ATAD1: variants seen among roughly 807,000 people sequenced by gnomAD.
ATAD1 encodes the protein ATPase family AAA domain containing 1.
ATAD1 carries 18 observed loss-of-function variants against 42.7 expected under a neutral mutation model. That is an observed-to-expected ratio of 0.42 (90% CI 0.29 to 0.63). The LOEUF is 0.63. Among genes scored for constraint, ATAD1 ranks in the 20% least tolerant of loss-of-function variants. The pLI is 0.19. For synonymous variants in ATAD1, 132 were observed against 143.1 expected, an observed-to-expected ratio of 0.92 and a Z score of 0.55; for missense variants, 294 against 440.4, an observed-to-expected ratio of 0.67 and a Z score of 2.98.
At chr10:87,766,314 AT>A (rs912857547) in intron 8 of ATAD1, among the ~76,000 whole-genome samples, 5 of 152,200 alleles carry the variant, frequency 3.3e-5, no homozygotes, top group African/African-American at 1.2e-4. Flanking sequence ...TAAATGTAGA[AT>A]TTTTATAATA....
At chr10:87,826,610 C>T (rs923509521) in intron 1 of ATAD1, among the ~76,000 whole-genome samples, 1 of 152,164 alleles carries the variant, frequency 6.6e-6, no homozygotes. Flanking sequence ...CTGGCTGGAC[C>T]GTGTGCCACC....
chr10:87,778,317 G>A (rs922311525), intron 5 of ATAD1, among the ~76,000 whole-genome samples: 3 of 151,280 alleles, frequency 2.0e-5, no homozygotes, highest in African/African-American at 7.3e-5. Context: ...TTGCTTAGAA[G>A]AAACATACTA....
intron 3 of ATAD1, among the ~76,000 whole-genome samples, chr10:87,791,682 C>T (rs1856125687): frequency 6.6e-6 from 1 of 152,230 alleles, no homozygotes; most frequent in African/African-American, 2.4e-5. Context: ...CTACTTCATT[C>T]TACTTATTTA....
intron 2 of ATAD1, among the ~76,000 whole-genome samples, chr10:87,795,591 A>T (rs796606299): frequency 3.3e-5 from 5 of 151,644 alleles, no homozygotes; most frequent in African/African-American, 1.2e-4. Flanking sequence ...GTATACCCAT[A>T]TTTTTTTGAC....
intron 8 of ATAD1, among the ~76,000 whole-genome samples, chr10:87,765,492 G>C: frequency 1.1e-5 from 1 of 91,698 alleles, no homozygotes; most frequent in African/African-American, 4.4e-5. Flanking sequence ...AGGGGGGGTG[G>C]GTGGGGGGGA....
intron 2 of ATAD1, among the ~76,000 whole-genome samples, chr10:87,811,906 C>T (rs1055296140): frequency 1.3e-5 from 2 of 152,198 alleles, no homozygotes; most frequent in Non-Finnish European, 2.9e-5. Flanking sequence ...TTTGCCCTAC[C>T]TACCAGTTTC....
intron 1 of ATAD1, among the ~76,000 whole-genome samples, chr10:87,826,127 G>A (rs1338075766): frequency 6.6e-6 from 1 of 150,754 alleles, no homozygotes; most frequent in Non-Finnish European, 1.5e-5. Flanking sequence ...CCCTTTTATT[G>A]TCATTGTTTC....
Position 87,754,544 on chromosome 10 carries a change from T to C in ATAD1, c.*143A>G, listed in dbSNP as rs1223679588. The stretch of plus-strand genomic sequence containing the variant: ...ATACCACCTATGTAACAACTATATC[T>C]CAATAACTTAGAATTCAGAGTATAA... On this transcript the variant is annotated 3_prime_UTR_variant, in exon 10 of 10. Transcript: ENST00000680024. 2 of 997,040 alleles carry C rather than the reference T, an allele frequency of 2.0e-6. No individual in the cohort carries two copies. Among genetic ancestry groups the C allele is most frequent in the Non-Finnish European group, 2.8e-6 (2 of 720,178 alleles). The allele number at this position is 997,040 out of a possible 1,614,324, so 61.8% of individuals were successfully genotyped here. A position where few individuals can be genotyped will look rare whatever the true frequency, so the allele number is the denominator to read the frequency against.
intron 8 of ATAD1, among the ~76,000 whole-genome samples, chr10:87,761,997 G>T (rs537631391): frequency 5.9e-5 from 9 of 152,204 alleles, no homozygotes; most frequent in African/African-American, 2.2e-4. Flanking sequence ...CTCCCACCAT[G>T]ACCTTCAGAA....
chr10:87,838,736 TTC>T (rs112302394), intron 1 of ATAD1, among the ~76,000 whole-genome samples: 71 of 131,576 alleles, frequency 5.4e-4, no homozygotes, highest in Non-Finnish European at 6.6e-4. Context: ...CTCATTCATA[TTC>T]TCTCTCTCTC....
At chr10:87,817,737 TG>T in intron 1 of ATAD1, 1 of 985,436 alleles carries the variant, frequency 1.0e-6, no homozygotes, top group Non-Finnish European at 1.2e-6. Flanking sequence ...TGCCCGGCCC[TG>T]AAGAACCACC....
chr10:87,791,875 G>A (rs920886791), intron 3 of ATAD1, among the ~76,000 whole-genome samples: 1 of 152,144 alleles, frequency 6.6e-6, no homozygotes, highest in Non-Finnish European at 1.5e-5. Context: ...TGAGGGAACT[G>A]AGACTCAAAG....
intron 1 of ATAD1, among the ~76,000 whole-genome samples, chr10:87,827,214 A>G (rs1857746813): frequency 1.3e-5 from 2 of 152,210 alleles, no homozygotes; most frequent in Admixed American, 1.3e-4. Flanking sequence ...AATGCTAAAT[A>G]TTTAATAATT....
intron 1 of ATAD1, among the ~76,000 whole-genome samples, chr10:87,836,340 A>G (rs1408873502): frequency 6.6e-6 from 1 of 152,176 alleles, no homozygotes; most frequent in Non-Finnish European, 1.5e-5. Flanking sequence ...TGTCTGAAGA[A>G]CTTCCATTAG....
intron 1 of ATAD1, among the ~76,000 whole-genome samples, chr10:87,835,222 A>G (rs1857909576): frequency 6.6e-6 from 1 of 152,112 alleles, no homozygotes; most frequent in Non-Finnish European, 1.5e-5. Context: ...GGAGTATTTT[A>G]TAAATACCTA....
intron 6 of ATAD1, among the ~76,000 whole-genome samples, chr10:87,774,807 GC>G (rs1855214644): frequency 6.6e-6 from 1 of 152,032 alleles, no homozygotes. Flanking sequence ...ACCAAAATTA[GC>G]CAGGTGTGGT....
chr10:87,783,050 CAGTT>C (rs1855645478), intron 5 of ATAD1, among the ~76,000 whole-genome samples: 1 of 151,852 alleles, frequency 6.6e-6, no homozygotes, highest in African/African-American at 2.4e-5. Context: ...TCACACTTCC[CAGTT>C]AAAGAGAAGC....
At chr10:87,836,891 C>T (rs1207993041) in intron 1 of ATAD1, among the ~76,000 whole-genome samples, 1 of 152,194 alleles carries the variant, frequency 6.6e-6, no homozygotes. Context: ...CCATTGTTCA[C>T]ATTGGATAAT....
intron 6 of ATAD1, among the ~76,000 whole-genome samples, chr10:87,773,259 T>C (rs1182492243): frequency 6.6e-6 from 1 of 152,226 alleles, no homozygotes; most frequent in African/African-American, 2.4e-5. Flanking sequence ...TTTAACTTCA[T>C]CAATGAATAC....
Sources: gnomAD v4.1 joint callset for allele counts (sites outside exome capture counted in the v4.1 genomes callset) on GRCh38, gnomAD v4.1.1 for gene constraint, MANE v1.5 for transcripts, NCBI Gene and HGNC (gene_info 2026-07-23, HGNC 2026-07-21) for gene names.